KLHL26: variants seen among roughly 807,000 people sequenced by gnomAD.
KLHL26 encodes kelch like family member 26, also known as kelch-like protein 26.
A neutral mutation model predicts 7.1 loss-of-function variants in KLHL26; 4 were observed. The observed-to-expected ratio is 0.56, with a 90% CI of 0.28 to 1.28. The LOEUF is 1.28. KLHL26 is among the 50% of genes most tolerant of loss of function. KLHL26 has a pLI of 0.11. For synonymous variants in KLHL26, 465 were observed against 414.1 expected (o/e 1.12, Z -1.49); for missense variants, 896 against 924.6 (o/e 0.97, Z 0.40).
Position 18,646,863 on chromosome 19 carries a change from A to G in KLHL26, c.83+9726A>G, listed in dbSNP as rs530841116. On this transcript the variant is annotated intron_variant, in intron 1 of 2. Transcript: ENST00000300976. The surrounding 1 kb of genome is among the most constrained non-coding windows in gnomAD (Gnocchi z 5.0). ...TGACTTGGGCCGTAAGAGGGACAGC[A>G]GCAGGGGCAGCGAGAGAGTAGAGCA... 6.6e-6 allele frequency among the ~76,000 whole-genome samples: 1 copy of G among 152,252 alleles called. No individual in the cohort carries two copies. Among genetic ancestry groups the G allele is most frequent in the Admixed American group, 6.5e-5 (1 of 15,298 alleles).
At position 18,668,783 on chromosome 19, in the gene KLHL26, C is replaced by G. The variant is rs1261822037; in HGVS notation, c.1386C>G (p.Leu462=). The G allele has an allele frequency of 6.3e-7, 1 of 1,596,124 alleles. No homozygotes were observed. Residue 462 remains leucine (L), a synonymous_variant, in exon 3 of 3, where the codon CTC becomes CTG. Coordinates refer to ENST00000300976, the MANE Select transcript of KLHL26 (RefSeq NM_018316.3). ...GHAGAASGGR[L]YISGGYGISV... ...CTGGGGCCGCCTCAGGGGGCCGCCT[C>G]TACATCTCGGGTGGCTACGGGATCT...
chr19:18,668,122 CG>C lies in KLHL26; in HGVS notation c.726del (p.Arg243AlafsTer107). 6.2e-7 allele frequency: 1 copy of C among 1,601,096 alleles called. No individual in the cohort carries two copies. Among genetic ancestry groups the C allele is most frequent in the South Asian group, 1.1e-5 (1 of 90,952 alleles). ...RWLQHDPARR[P>X]RASHVLCHIR... Reference sequence around the variant, plus strand: ...CTGCAGCATGACCCGGCCCGGCGGCCGCGCGCCAGCCACGTGCTCTGCCACA... The same window carrying C: ...CTGCAGCATGACCCGGCCCGGCGGCCCGCGCCAGCCACGTGCTCTGCCACA... On this transcript the variant is annotated frameshift_variant, in exon 3 of 3. Coordinates refer to ENST00000300976, the MANE Select transcript of KLHL26 (RefSeq NM_018316.3). LOFTEE classifies it low-confidence loss of function (END_TRUNC).
intron 1 of KLHL26, among the ~76,000 whole-genome samples, chr19:18,657,753 C>A (rs1018957653): frequency 6.6e-6 from 1 of 152,190 alleles, no homozygotes; most frequent in African/African-American, 2.4e-5. Flanking sequence ...ACAGCAGGTG[C>A]CTTGGAAGGG....
At chr19:18,657,888 G>A (rs2052350338) in intron 1 of KLHL26, among the ~76,000 whole-genome samples, 1 of 152,290 alleles carries the variant, frequency 6.6e-6, no homozygotes, top group Admixed American at 6.5e-5. Flanking sequence ...CGTGAGCGTG[G>A]GGGCCGGAGC....
intron 1 of KLHL26, among the ~76,000 whole-genome samples, chr19:18,663,496 T>A (rs1035554706): frequency 2.0e-5 from 3 of 152,062 alleles, no homozygotes; most frequent in African/African-American, 7.2e-5. Context: ...CTTGGAAAGA[T>A]CAGTGCCCGC....
rs915012429 is a variant in KLHL26 at position 18,669,336 on chromosome 19, C to T, written c.*91C>T. ...CGTCTGCCTGAGAACCCCAGTGCCC[C>T]CCTTCGCCCGGGCTGCCCTTGAGGG... On this transcript the variant is annotated 3_prime_UTR_variant, in exon 3 of 3. Coordinates refer to ENST00000300976, the MANE Select transcript of KLHL26 (RefSeq NM_018316.3). 1 of 1,048,202 alleles carries T rather than the reference C, an allele frequency of 9.5e-7. No homozygotes were observed. Among genetic ancestry groups the T allele is most frequent in the Admixed American group, 2.1e-5 (1 of 48,524 alleles). The allele number at this position is 1,048,202 out of a possible 1,614,324, so 64.9% of individuals were successfully genotyped here.
chr19:18,667,573 C>A, intron 2 of KLHL26, 91 bp from the exon 3 acceptor site: 2 of 1,524,004 alleles, frequency 1.3e-6, no homozygotes, highest in Non-Finnish European at 8.8e-7. Context: ...TTCTGTGTCC[C>A]CAGGCTACTG....
rs1411521948 is a variant in KLHL26, at chr19:18,637,099, C to T, written c.45C>T (p.Gly15=). 3 of 1,380,594 alleles carry T rather than the reference C, an allele frequency of 2.2e-6. No individual in the cohort carries two copies. The highest frequency in any genetic ancestry group is 3.5e-5 in the Admixed American group (1 of 28,506). 85.5% of individuals were successfully genotyped at this position (1,380,594 alleles called of 1,614,324 possible). ...GCAGCGGTGGTGCTGGTGGCGGCGG[C>T]GCTTTCGGCGCGGGCCCGGGCCCCG... is the stretch of plus-strand genomic sequence containing the variant. The part of the protein sequence containing the change: ...GGSSGGAGGG[G]AFGAGPGPER... The change falls in exon 1 of 3, where the codon GGC becomes GGT. Residue 15 remains glycine, a synonymous_variant. Transcript: ENST00000300976.
intron 1 of KLHL26, among the ~76,000 whole-genome samples, chr19:18,639,416 T>TG (rs1976674758): frequency 7.1e-6 from 1 of 140,296 alleles, no homozygotes; most frequent in Non-Finnish European, 1.5e-5. Flanking sequence ...TTTTTTTTTT[T>TG]TTTTTTTTTT....
At position 18,669,336 on chromosome 19, in the gene KLHL26, C is replaced by A; in HGVS notation, c.*91C>A. On this transcript the variant is annotated 3_prime_UTR_variant, in exon 3 of 3. Coordinates refer to ENST00000300976, the MANE Select transcript of KLHL26 (RefSeq NM_018316.3). ...CGTCTGCCTGAGAACCCCAGTGCCC[C>A]CCTTCGCCCGGGCTGCCCTTGAGGG... is the stretch of plus-strand genomic sequence containing the variant. 1 of 1,048,320 alleles carries A rather than the reference C, an allele frequency of 9.5e-7. No individual in the cohort carries two copies. The highest frequency in any genetic ancestry group is 1.4e-6 in the Non-Finnish European group (1 of 711,572). 64.9% of individuals were successfully genotyped at this position (1,048,320 alleles called of 1,614,324 possible).
chr19:18,637,466 C>T (rs1407873744), intron 1 of KLHL26, among the ~76,000 whole-genome samples: 1 of 151,748 alleles, frequency 6.6e-6, no homozygotes, highest in African/African-American at 2.4e-5. Flanking sequence ...GCCTGGGCAG[C>T]AGAGAGGGCC....
chr19:18,651,288 G>C (rs2052252906), intron 1 of KLHL26, among the ~76,000 whole-genome samples: 1 of 152,086 alleles, frequency 6.6e-6, no homozygotes, highest in Admixed American at 6.6e-5. Flanking sequence ...CATCCTGGTG[G>C]CTCCAGTAAA....
In KLHL26 at chr19:18,669,615, T is replaced by G. The variant is rs774778720; in HGVS notation, c.*370T>G. 48 of 465,024 alleles carry G rather than the reference T, an allele frequency of 1.0e-4. No individual in the cohort carries two copies. Among genetic ancestry groups the G allele is most frequent in the Admixed American group, 3.5e-4 (9 of 25,730 alleles). 28.8% of individuals were successfully genotyped at this position (465,024 alleles called of 1,614,324 possible). The stretch of plus-strand genomic sequence containing the variant: ...TCTACTGCCTCCCAGCCCCACGGTT[T>G]CAGGCATTCAGATGTGAGCTCATCA... On this transcript the variant is annotated 3_prime_UTR_variant, in exon 3 of 3. Transcript: ENST00000300976.
Position 18,657,979 on chromosome 19 carries a change from T to C in KLHL26, c.84-6282T>C, listed in dbSNP as rs531770382. 1.1e-4 allele frequency among the ~76,000 whole-genome samples: 16 copies of C among 152,178 alleles called. No individual in the cohort carries two copies. In the South Asian group the frequency reaches 3.1e-3, roughly 30 times the overall value. ...AGCAGTTCCCAGTGCTGTGAAACAT[T>C]GTGGTCACCATGGCAACAGTACTGG... On this transcript the variant is annotated intron_variant, in intron 1 of 2. Coordinates refer to ENST00000300976, the MANE Select transcript of KLHL26 (RefSeq NM_018316.3).
In KLHL26 at chr19:18,669,084, A is replaced by G; in HGVS notation, c.1687A>G (p.Ile563Val). 1.2e-6 allele frequency: 2 copies of G among 1,612,908 alleles called. No homozygotes were observed. Among genetic ancestry groups the G allele is most frequent in the South Asian group, 1.1e-5 (1 of 91,092 alleles). The change falls in exon 3 of 3, where the codon ATC (isoleucine) becomes GTC (valine). Residue 563 changes from isoleucine (I) to valine (V), a missense_variant. Transcript: ENST00000300976. ...GCCLLERKIY[I>V]VGGYNWRLNN... ...CTGCCTGCTGGAGAGGAAGATCTAC[A>G]TCGTCGGGGGCTACAACTGGCGTCT...
intron 2 of KLHL26, among the ~76,000 whole-genome samples, chr19:18,665,497 C>T (rs573239156): frequency 6.6e-6 from 1 of 152,256 alleles, no homozygotes; most frequent in Non-Finnish European, 1.5e-5. Flanking sequence ...AGCTGGGGGA[C>T]TGGAGGGGCA....
chr19:18,645,376 A>G (rs1323334895), intron 1 of KLHL26, among the ~76,000 whole-genome samples: 5 of 152,152 alleles, frequency 3.3e-5, no homozygotes, highest in African/African-American at 1.2e-4. Flanking sequence ...CCTCTCCGAC[A>G]TGGGCCTTTG....
intron 1 of KLHL26, among the ~76,000 whole-genome samples, chr19:18,651,378 A>G (rs1339653211): frequency 6.6e-6 from 1 of 152,182 alleles, no homozygotes. Context: ...GGGGCCCTGG[A>G]GCCTCTGTCC....
At chr19:18,645,775 G>A (rs1277400303) in intron 1 of KLHL26, among the ~76,000 whole-genome samples, 1 of 151,012 alleles carries the variant, frequency 6.6e-6, no homozygotes, top group Non-Finnish European at 1.5e-5. Context: ...TCCTGCCACT[G>A]CACTCCAGCC....
Sources: allele counts gnomAD v4.1 joint callset (sites outside exome capture counted in the v4.1 genomes callset), GRCh38; gene constraint gnomAD v4.1.1; non-coding constraint Gnocchi (gnomAD v3.1); transcripts MANE v1.5; gene names NCBI Gene and HGNC (gene_info 2026-07-23, HGNC 2026-07-21).